LRP1B: variants seen among roughly 807,000 people sequenced by gnomAD.
LRP1B encodes the protein LDL receptor related protein 1B.
Under a neutral mutation model 556.6 loss-of-function variants are expected in LRP1B, and 217 were observed. The ratio of observed to expected loss-of-function variants is 0.39; its 90% CI spans 0.35 to 0.44. The LOEUF (loss-of-function observed/expected upper bound fraction) is 0.44, where lower values mean the gene tolerates loss of function less well. Among genes scored for constraint, LRP1B ranks in the 20% least tolerant of loss-of-function variants. LRP1B has a pLI of 1.00. For synonymous variants in LRP1B, 2,047 were observed against 1,865.8 expected (o/e 1.10, Z -2.50); for missense variants, 5,053 against 5,620.8 (o/e 0.90, Z 3.23).
chr2:141,197,279 C>T (rs1681794413), intron 6 of LRP1B, among the ~76,000 whole-genome samples: 1 of 152,100 alleles, frequency 6.6e-6, no homozygotes. Context: ...TTATTCTCAG[C>T]CCCACTGGAA....
At chr2:140,931,371 C>A (rs767516563) in intron 20 of LRP1B, among the ~76,000 whole-genome samples, 11 of 152,054 alleles carry the variant, frequency 7.2e-5, no homozygotes, top group Non-Finnish European at 1.3e-4. Flanking sequence ...CAACAAACTC[C>A]TTTTACCTCC....
chr2:140,782,030 AATC>A (rs1335252130), intron 32 of LRP1B, among the ~76,000 whole-genome samples: 1 of 147,960 alleles, frequency 6.8e-6, no homozygotes, highest in African/African-American at 2.5e-5. Flanking sequence ...TATTACTTGG[AATC>A]ATATTTGTTC....
chr2:140,438,785 CTTTT>C (rs1686300213), intron 66 of LRP1B, among the ~76,000 whole-genome samples: 1 of 152,076 alleles, frequency 6.6e-6, no homozygotes, highest in Non-Finnish European at 1.5e-5. Flanking sequence ...AGGCAAGAAT[CTTTT>C]TGATAACTCA....
intron 1 of LRP1B, among the ~76,000 whole-genome samples, chr2:141,900,052 T>G (rs922514414): frequency 1.3e-5 from 2 of 152,170 alleles, no homozygotes; most frequent in African/African-American, 4.8e-5. Context: ...GTGTGACATA[T>G]AGTTTCCTGT....
At chr2:141,602,544 AG>A (rs1228071457) in intron 2 of LRP1B, among the ~76,000 whole-genome samples, 1 of 152,208 alleles carries the variant, frequency 6.6e-6, no homozygotes, top group Non-Finnish European at 1.5e-5. Flanking sequence ...TGTATTGCTA[AG>A]TTCCTGAAAT....
intron 60 of LRP1B, among the ~76,000 whole-genome samples, chr2:140,468,765 T>C (rs1197426823): frequency 6.6e-6 from 1 of 152,240 alleles, no homozygotes; most frequent in Non-Finnish European, 1.5e-5. Context: ...CCAGTTATGC[T>C]CTTAAGAAAA....
At chr2:141,614,175 G>A (rs1033125735) in intron 2 of LRP1B, among the ~76,000 whole-genome samples, 2 of 151,296 alleles carry the variant, frequency 1.3e-5, no homozygotes, top group Admixed American at 1.3e-4. Flanking sequence ...AGCACAGAGA[G>A]GAGGTAAATG....
chr2:140,423,292 T>C (rs2105269339), intron 66 of LRP1B, among the ~76,000 whole-genome samples: 1 of 152,232 alleles, frequency 6.6e-6, no homozygotes, highest in South Asian at 2.1e-4. Flanking sequence ...CATTTAACTG[T>C]ATCTCCCCCA....
At position 140,841,067 on chromosome 2, in the gene LRP1B, T is replaced by C; in HGVS notation, c.4965A>G (p.Ala1655=). ...ATAAATTACGTGACACCCAATCCAC[T>C]GCTAGCCCTCTGATACTCTGAATAT... is the stretch of plus-strand genomic sequence containing the variant. ...SRDIQSIRGL[A]VDWVSRNLYW... Residue 1655 remains alanine, a synonymous_variant, in exon 30 of 91, where the codon GCA becomes GCG. Transcript: ENST00000389484. 1 of 1,611,630 alleles carries C rather than the reference T, an allele frequency of 6.2e-7. No individual in the cohort carries two copies. The highest frequency in any genetic ancestry group is 8.5e-7 in the Non-Finnish European group (1 of 1,178,642).
At position 141,300,586 on chromosome 2, in the gene LRP1B, C is replaced by T. The variant is rs986729602; in HGVS notation, c.344-45945G>A. Among the ~76,000 whole-genome samples, 4 of 152,242 alleles carry T rather than the reference C, an allele frequency of 2.6e-5. No homozygotes were observed. In the East Asian group the frequency reaches 7.7e-4, roughly 29 times the overall value. ...GCTGATTATATCATTGGGGTGGTTT[C>T]TCATGGTTTAACAACATCCCCCTTG... On this transcript the variant is annotated intron_variant, in intron 3 of 90. Coordinates refer to ENST00000389484, the MANE Select transcript of LRP1B (RefSeq NM_018557.3).
At chr2:140,664,669 C>T (rs1052124802) in intron 41 of LRP1B, among the ~76,000 whole-genome samples, 1 of 151,742 alleles carries the variant, frequency 6.6e-6, no homozygotes, top group African/African-American at 2.4e-5. Flanking sequence ...GAGAAATAGA[C>T]TAATGAATCC....
At chr2:140,895,511 G>GCAGGAGC (rs1559180223) in intron 23 of LRP1B, among the ~76,000 whole-genome samples, 1 of 151,352 alleles carries the variant, frequency 6.6e-6, no homozygotes, top group Non-Finnish European at 1.5e-5. Flanking sequence ...CACCTCACCG[G>GCAGGAGC]CAGGAGCAGA....
intron 61 of LRP1B, among the ~76,000 whole-genome samples, 166 bp from the exon 62 acceptor site, chr2:140,456,769 G>A (rs528876591): frequency 6.6e-6 from 1 of 152,234 alleles, no homozygotes; most frequent in South Asian, 2.1e-4. Flanking sequence ...TGTCACAAAT[G>A]CTACTCATTG....
chr2:140,886,613 G>A (rs1031240529), intron 23 of LRP1B, among the ~76,000 whole-genome samples: 4 of 126,738 alleles, frequency 3.2e-5, no homozygotes, highest in African/African-American at 1.0e-4. Context: ...AGACAAAATG[G>A]AGGATTTTCT....
intron 7 of LRP1B, among the ~76,000 whole-genome samples, chr2:141,097,871 G>T (rs1700360465): frequency 6.6e-6 from 1 of 152,116 alleles, no homozygotes; most frequent in Admixed American, 6.5e-5. Flanking sequence ...TGTTAATTAG[G>T]TTAACAAATT....
intron 41 of LRP1B, among the ~76,000 whole-genome samples, chr2:140,650,831 A>G (rs1262298919): frequency 6.6e-6 from 1 of 152,184 alleles, no homozygotes; most frequent in Non-Finnish European, 1.5e-5. Context: ...CAATAGTGAG[A>G]GAGATTTCCC....
chr2:141,240,991 C>A (rs9283437), intron 5 of LRP1B, among the ~76,000 whole-genome samples: 89,667 of 151,816 alleles, frequency 0.59, 26,827 homozygotes, highest in East Asian at 0.66. Flanking sequence ...ATGTCAAAAA[C>A]GGTGCTAGAC....
At chr2:140,720,613 A>G (rs1331098930) in intron 35 of LRP1B, among the ~76,000 whole-genome samples, 1 of 152,100 alleles carries the variant, frequency 6.6e-6, no homozygotes, top group Non-Finnish European at 1.5e-5. Context: ...AGACTAAATC[A>G]TGCAGGGTTC....
intron 3 of LRP1B, among the ~76,000 whole-genome samples, chr2:141,421,949 C>A (rs548558979): frequency 6.6e-6 from 1 of 152,140 alleles, no homozygotes. Context: ...TGAGGATAGA[C>A]GTCATGCTAC....
Sources: gnomAD v4.1 joint callset for allele counts (sites outside exome capture counted in the v4.1 genomes callset) on GRCh38, gnomAD v4.1.1 for gene constraint, MANE v1.5 for transcripts, NCBI Gene and HGNC (gene_info 2026-07-23, HGNC 2026-07-21) for gene names.